LPGAT1: variants seen among roughly 807,000 people sequenced by gnomAD.
LPGAT1 encodes acyl-CoA:lysophosphatidylglycerol acyltransferase 1.
Under a neutral mutation model 47.5 loss-of-function variants are expected in LPGAT1, and 11 were observed. The observed-to-expected ratio is 0.23, with a 90% CI of 0.15 to 0.38. The LOEUF is 0.38. LPGAT1 is among the 10% of genes least tolerant of loss of function. LPGAT1 has a pLI of 1.00. For missense variants in LPGAT1, 293 were observed against 439.0 expected (o/e 0.67, Z 2.97); for synonymous variants, 138 against 144.2 (o/e 0.96, Z 0.31).
At chr1:211,807,208 A>T (rs1403772933) in intron 2 of LPGAT1, among the ~76,000 whole-genome samples, 1 of 152,190 alleles carries the variant, frequency 6.6e-6, no homozygotes, top group Non-Finnish European at 1.5e-5. Flanking sequence ...TATAAATTTA[A>T]AACACATGAA....
intron 2 of LPGAT1, among the ~76,000 whole-genome samples, chr1:211,806,731 T>G (rs1369060356): frequency 6.6e-6 from 1 of 152,194 alleles, no homozygotes; most frequent in African/African-American, 2.4e-5. Flanking sequence ...AGAAAAAGCA[T>G]TCAATAAATT....
rs1251841999 is a variant in LPGAT1, at chr1:211,829,668, C to T, written c.-27-345G>A. ...GAAAAATAGATCCACTCGCTTCAGA[C>T]AACCTCAGGATCTCCAAACTGAAGA... On this transcript the variant is annotated intron_variant, in intron 1 of 7. Coordinates refer to ENST00000366997, the MANE Select transcript of LPGAT1 (RefSeq NM_014873.3). The T allele has an allele frequency of 4.7e-6, 5 of 1,070,238 alleles. No homozygotes were observed. The African/African-American group carries it at 8.3e-5, about 18-fold the overall frequency. 66.3% of individuals were successfully genotyped at this position (1,070,238 alleles called of 1,614,324 possible).
intron 3 of LPGAT1, chr1:211,792,029 AAG>A (rs1368115898): frequency 6.6e-6 from 1 of 151,640 alleles, no homozygotes; most frequent in African/African-American, 2.4e-5. Context: ...CCTAAGGCTA[AAG>A]ACTGAATTTA....
chr1:211,782,991 A>G (rs1247127725), intron 5 of LPGAT1, among the ~76,000 whole-genome samples: 4 of 152,216 alleles, frequency 2.6e-5, no homozygotes, highest in Non-Finnish European at 4.4e-5. Context: ...ATGGCTCCGT[A>G]TAAGTAGGAC....
intron 2 of LPGAT1, among the ~76,000 whole-genome samples, chr1:211,794,457 C>T (rs903651510): frequency 1.3e-5 from 2 of 152,100 alleles, no homozygotes; most frequent in African/African-American, 2.4e-5. Context: ...GTGCATGTCA[C>T]CAAGTCCAGC....
intron 2 of LPGAT1, among the ~76,000 whole-genome samples, chr1:211,800,940 T>A (rs1267918401): frequency 6.6e-6 from 1 of 152,224 alleles, no homozygotes; most frequent in Non-Finnish European, 1.5e-5. Flanking sequence ...CTCTAGGGAA[T>A]TTGATCACCT....
Position 211,745,784 on chromosome 1 carries a change from C to T in LPGAT1, c.*4115G>A, listed in dbSNP as rs563463734. On this transcript the variant is annotated 3_prime_UTR_variant, in exon 8 of 8. Coordinates refer to ENST00000366997, the MANE Select transcript of LPGAT1 (RefSeq NM_014873.3). ...CCCTCTGTGATCTGGAAATCTCTAA[C>T]TTAGATGGTTTTGGTCCCAAACATA... 2.0e-5 allele frequency: 3 copies of T among 152,758 alleles called. No homozygotes were observed. Among genetic ancestry groups the T allele is most frequent in the Admixed American group, 2.0e-4 (3 of 15,302 alleles). The allele number at this position is 152,758 out of a possible 1,614,324, so 9.5% of individuals were successfully genotyped here. A position where few individuals can be genotyped will look rare whatever the true frequency, so the allele number is the denominator to read the frequency against.
At chr1:211,751,178 C>T (rs1297998119) in intron 6 of LPGAT1, 111 bp from the exon 7 acceptor site, 2 of 708,440 alleles carry the variant, frequency 2.8e-6, no homozygotes, top group Non-Finnish European at 4.7e-6. Flanking sequence ...TCATCTTTTG[C>T]TTTAACAAGG....
chr1:211,764,781 T>C lies in LPGAT1; in HGVS notation c.855-13714A>G, dbSNP rs367675158. ...CCAAGGCAGGTATTTCCAAAGACTA[T>C]ACAGGTAGCAAACCTAGGGACATAC... On this transcript the variant is annotated intron_variant, in intron 6 of 7. Transcript: ENST00000366997. Among the ~76,000 whole-genome samples the C allele has an allele frequency of 7.0e-4, 107 of 152,310 alleles. No homozygotes were observed. The South Asian group carries it at 0.021, about 30-fold the overall frequency.
intron 6 of LPGAT1, among the ~76,000 whole-genome samples, chr1:211,755,876 G>C (rs12092289): frequency 8.5e-5 from 13 of 152,132 alleles, no homozygotes; most frequent in Admixed American, 4.6e-4. Context: ...ATATAAAAGC[G>C]TTTTGGTTGA....
intron 6 of LPGAT1, among the ~76,000 whole-genome samples, chr1:211,760,283 G>A (rs1040035726): frequency 2.6e-5 from 4 of 151,984 alleles, no homozygotes; most frequent in Non-Finnish European, 4.4e-5. Flanking sequence ...GAGAAACCCC[G>A]TCTCTACTAA....
intron 3 of LPGAT1, 77 bp downstream of exon 3, chr1:211,792,995 C>T: frequency 1.0e-6 from 1 of 958,524 alleles, no homozygotes; most frequent in Non-Finnish European, 1.6e-6. Context: ...CAGACATGAG[C>T]CACCATGCCC....
chr1:211,824,059 G>C (rs1401249586), intron 2 of LPGAT1, among the ~76,000 whole-genome samples: 1 of 152,116 alleles, frequency 6.6e-6, no homozygotes, highest in Non-Finnish European at 1.5e-5. Context: ...AGACCTTTCA[G>C]GAAGGTAGGC....
chr1:211,798,013 A>T (rs985397586), intron 2 of LPGAT1, among the ~76,000 whole-genome samples: 1 of 152,170 alleles, frequency 6.6e-6, no homozygotes, highest in African/African-American at 2.4e-5. Context: ...TTTTCCCAAA[A>T]GTTATAGATT....
chr1:211,794,298 ATTTATT>A (rs1392824785), intron 2 of LPGAT1, among the ~76,000 whole-genome samples: 1 of 152,088 alleles, frequency 6.6e-6, no homozygotes, highest in Non-Finnish European at 1.5e-5. Context: ...TTCATTTTAT[ATTTATT>A]TTTAACTTTT....
chr1:211,820,189 C>T (rs973060480), intron 2 of LPGAT1, among the ~76,000 whole-genome samples: 1 of 151,996 alleles, frequency 6.6e-6, no homozygotes, highest in Non-Finnish European at 1.5e-5. Context: ...AAAAGACTAC[C>T]TCTGAGGCAG....
chr1:211,766,916 T>C (rs1006209351), intron 6 of LPGAT1, among the ~76,000 whole-genome samples: 3 of 152,234 alleles, frequency 2.0e-5, no homozygotes, highest in African/African-American at 2.4e-5. Flanking sequence ...TGACTTATTA[T>C]GGTAACATAA....
rs1417306713 is a variant in LPGAT1, at chr1:211,744,809, A to G, written c.*5090T>C. The G allele has an allele frequency of 2.6e-5, 4 of 152,434 alleles. No individual in the cohort carries two copies. In the East Asian group the frequency reaches 7.7e-4, roughly 29 times the overall value. 9.4% of individuals were successfully genotyped at this position (152,434 alleles called of 1,614,324 possible). ...TGGGAGAATGGGGAGAAAGGGGGAA[A>G]TATTTTTAAACCAAAGAAGGAAGTC... On this transcript the variant is annotated 3_prime_UTR_variant, in exon 8 of 8. Coordinates refer to ENST00000366997, the MANE Select transcript of LPGAT1 (RefSeq NM_014873.3).
At chr1:211,809,611 T>C (rs1443345456) in intron 2 of LPGAT1, among the ~76,000 whole-genome samples, 2 of 152,232 alleles carry the variant, frequency 1.3e-5, no homozygotes, top group East Asian at 3.9e-4. Context: ...GGCGTGTCTT[T>C]CCCATGCTGT....
Sources: allele counts gnomAD v4.1 joint callset (sites outside exome capture counted in the v4.1 genomes callset), GRCh38; gene constraint gnomAD v4.1.1; transcripts MANE v1.5; gene names NCBI Gene and HGNC (gene_info 2026-07-23, HGNC 2026-07-21).